Variants in PRKN observed in about 807,000 individuals in gnomAD.
The protein encoded by PRKN is E3 ubiquitin-protein ligase parkin.
PRKN carries 56 observed loss-of-function variants against 59.5 expected under a neutral mutation model. That is an observed-to-expected ratio of 0.94 (90% CI 0.76 to 1.18). The LOEUF is 1.18. PRKN is among the 50% of genes most tolerant of loss of function. PRKN has a pLI of 0.00. For missense variants in PRKN, 657 were observed against 596.4 expected (o/e 1.10, Z -1.06); for synonymous variants, 250 against 222.1 (o/e 1.13, Z -1.12).
chr6:161,512,202 A>G (rs907482952), intron 9 of PRKN, among the ~76,000 whole-genome samples: 2 of 152,218 alleles, frequency 1.3e-5, no homozygotes, highest in African/African-American at 2.4e-5. Context: ...TATTAGTAAA[A>G]AATGCTCTAA....
intron 1 of PRKN, among the ~76,000 whole-genome samples, chr6:162,630,282 T>C (rs1366708061): frequency 1.3e-5 from 2 of 152,180 alleles, no homozygotes; most frequent in African/African-American, 4.8e-5. Flanking sequence ...TATACTGTCC[T>C]GCCAAGCTAA....
At chr6:162,302,098 C>T (rs918434997) in intron 2 of PRKN, among the ~76,000 whole-genome samples, 1 of 152,010 alleles carries the variant, frequency 6.6e-6, no homozygotes, top group Admixed American at 6.6e-5. Flanking sequence ...TTTCTCCAGC[C>T]GATAAGCAAG....
intron 9 of PRKN, among the ~76,000 whole-genome samples, chr6:161,524,936 G>A (rs1174920284): frequency 6.6e-6 from 1 of 152,138 alleles, no homozygotes. Flanking sequence ...TCCGTTTGAT[G>A]TAGGAGATCA....
Position 161,388,003 on chromosome 6 carries a change from C to T in PRKN, c.1084-1126G>A, listed in dbSNP as rs952263262. On this transcript the variant is annotated intron_variant, in intron 9 of 11. Transcript: ENST00000366898. This position sits in a 1 kb window ranked among gnomAD's most constrained non-coding sequence, Gnocchi z 4.3. The stretch of plus-strand genomic sequence containing the variant: ...AGAAGAAAGCTGGAAGAGTGAATGC[C>T]AGAGAGGCTCGTTTAGGGCTGTCTG... Among the ~76,000 whole-genome samples, 7 of 152,166 alleles carry T rather than the reference C, an allele frequency of 4.6e-5. No individual in the cohort carries two copies. The highest frequency in any genetic ancestry group is 2.1e-4 in the South Asian group (1 of 4,822).
intron 2 of PRKN, among the ~76,000 whole-genome samples, chr6:162,359,890 T>C (rs889243899): frequency 4.6e-5 from 7 of 152,196 alleles, no homozygotes; most frequent in African/African-American, 1.7e-4. Context: ...ACAGAACAAA[T>C]ATGCCATACA....
chr6:162,503,303 C>T (rs997693984), intron 1 of PRKN, among the ~76,000 whole-genome samples: 3 of 151,782 alleles, frequency 2.0e-5, no homozygotes, highest in African/African-American at 7.3e-5. Flanking sequence ...GGTGGGATTA[C>T]AGGCGCCCAC....
At chr6:162,264,160 C>A (rs1206030966) in intron 2 of PRKN, among the ~76,000 whole-genome samples, 6 of 152,016 alleles carry the variant, frequency 3.9e-5, no homozygotes, top group Admixed American at 1.3e-4. Context: ...ACCTGTAATC[C>A]CAGCTACTTG....
At chr6:161,439,564 A>G (rs1789094583) in intron 9 of PRKN, among the ~76,000 whole-genome samples, 1 of 152,220 alleles carries the variant, frequency 6.6e-6, no homozygotes, top group Admixed American at 6.5e-5. Flanking sequence ...CTCAACGGGT[A>G]CAAGAGAGAT....
chr6:162,381,201 C>T (rs1786466095), intron 2 of PRKN, among the ~76,000 whole-genome samples: 1 of 152,238 alleles, frequency 6.6e-6, no homozygotes. Flanking sequence ...GAAGACAGTT[C>T]CTGATGTTTC....
At chr6:161,573,484 G>A (rs1254715050) in intron 7 of PRKN, among the ~76,000 whole-genome samples, 3 of 151,486 alleles carry the variant, frequency 2.0e-5, no homozygotes, top group Non-Finnish European at 4.4e-5. Flanking sequence ...ACTTTGGGAG[G>A]CAGAGGCAGG....
At chr6:161,570,739 T>C (rs1377987851) in intron 7 of PRKN, among the ~76,000 whole-genome samples, 1 of 152,152 alleles carries the variant, frequency 6.6e-6, no homozygotes, top group African/African-American at 2.4e-5. Flanking sequence ...AGTAGGTTAT[T>C]AGTAGTTAAG....
chr6:161,506,768 T>C (rs531420841), intron 9 of PRKN, among the ~76,000 whole-genome samples: 3 of 152,334 alleles, frequency 2.0e-5, no homozygotes, highest in Admixed American at 1.3e-4. Context: ...ATTATACATT[T>C]AATTCTTTAC....
intron 1 of PRKN, among the ~76,000 whole-genome samples, chr6:162,537,018 A>G (rs1778747056): frequency 6.6e-6 from 1 of 152,178 alleles, no homozygotes; most frequent in Non-Finnish European, 1.5e-5. Flanking sequence ...TAGATATTTT[A>G]TAACTTTTAA....
At chr6:161,849,542 T>C (rs1793339281) in intron 6 of PRKN, among the ~76,000 whole-genome samples, 1 of 152,260 alleles carries the variant, frequency 6.6e-6, no homozygotes, top group South Asian at 2.1e-4. Flanking sequence ...TGCCCCCACC[T>C]TCCTCACACT....
chr6:162,479,158 A>T (rs1233249115), intron 1 of PRKN, among the ~76,000 whole-genome samples: 2 of 152,094 alleles, frequency 1.3e-5, no homozygotes, highest in Non-Finnish European at 2.9e-5. Context: ...GCTACACAAA[A>T]GTATTCCTTC....
chr6:161,778,923 T>C (rs114961192), intron 7 of PRKN, among the ~76,000 whole-genome samples: 4 of 152,292 alleles, frequency 2.6e-5, no homozygotes, highest in African/African-American at 7.2e-5. Context: ...CTGTTTTCCA[T>C]ACGTATTATT....
chr6:161,720,237 A>C (rs1787164342), intron 7 of PRKN, among the ~76,000 whole-genome samples: 1 of 152,274 alleles, frequency 6.6e-6, no homozygotes, highest in Admixed American at 6.5e-5. Context: ...GAGTAGCAGC[A>C]GTCATTAAGA....
intron 6 of PRKN, among the ~76,000 whole-genome samples, chr6:161,874,485 ATAT>A (rs1406144832): frequency 9.3e-6 from 1 of 107,966 alleles, no homozygotes; most frequent in African/African-American, 4.1e-5. Context: ...TGTAAAATAT[ATAT>A]TATATGTAAA....
intron 3 of PRKN, among the ~76,000 whole-genome samples, chr6:162,240,933 G>A (rs958794692): frequency 1.6e-4 from 24 of 152,188 alleles, no homozygotes; most frequent in Non-Finnish European, 3.2e-4. Flanking sequence ...TGAAGAAGGT[G>A]AAAGAATCAC....
Sources: allele counts gnomAD v4.1 joint callset (sites outside exome capture counted in the v4.1 genomes callset), GRCh38; gene constraint gnomAD v4.1.1; non-coding constraint Gnocchi (gnomAD v3.1); transcripts MANE v1.5; gene names NCBI Gene and HGNC (gene_info 2026-07-23, HGNC 2026-07-21).